The following PRDM6 variants were observed in gnomAD, a reference collection of about 807,000 sequenced individuals.
PRDM6 encodes PR/SET domain 6.
A neutral mutation model predicts 60.8 loss-of-function variants in PRDM6; 25 were observed. The observed-to-expected ratio is 0.41, with a 90% CI of 0.30 to 0.57. The LOEUF (loss-of-function observed/expected upper bound fraction) is 0.57. Ranked by LOEUF, PRDM6 falls within the 20% of genes least tolerant of loss-of-function variation. The pLI is 0.27. For synonymous variants in PRDM6, 407 were observed against 357.4 expected (o/e 1.14, Z -1.57); for missense variants, 839 against 821.3 (o/e 1.02, Z -0.26).
intron 2 of PRDM6, among the ~76,000 whole-genome samples, chr5:123,096,905 C>G (rs1763972381): frequency 6.6e-6 from 1 of 152,076 alleles, no homozygotes; most frequent in African/African-American, 2.4e-5. Flanking sequence ...GAGTTGGTAC[C>G]TATGCTGATG....
At chr5:123,112,857 T>A (rs1395513730) in intron 3 of PRDM6, among the ~76,000 whole-genome samples, 1 of 145,958 alleles carries the variant, frequency 6.9e-6, no homozygotes. Context: ...TTTAAATTTA[T>A]GAAGTCAATC....
intron 3 of PRDM6, among the ~76,000 whole-genome samples, chr5:123,147,326 C>T (rs1352785620): frequency 6.7e-6 from 1 of 148,210 alleles, no homozygotes; most frequent in Non-Finnish European, 1.5e-5. Flanking sequence ...CAAGAAACTG[C>T]TCCATGCAAA....
At chr5:123,145,510 A>G (rs1049329850) in intron 3 of PRDM6, among the ~76,000 whole-genome samples, 1 of 152,140 alleles carries the variant, frequency 6.6e-6, no homozygotes, top group Non-Finnish European at 1.5e-5. Context: ...CATCTCTTGG[A>G]TCTTGATGGG....
At chr5:123,173,427 G>A (rs1765941139) in intron 6 of PRDM6, 1 of 167,042 alleles carries the variant, frequency 6.0e-6, no homozygotes, top group South Asian at 2.1e-4. Flanking sequence ...CATGGACCCT[G>A]ATGGGCTTAT....
intron 3 of PRDM6, among the ~76,000 whole-genome samples, chr5:123,102,330 TA>T (rs1444668576): frequency 6.6e-6 from 1 of 152,182 alleles, no homozygotes; most frequent in Non-Finnish European, 1.5e-5. Flanking sequence ...TTAAAATTTT[TA>T]AGCATTATGA....
At chr5:123,112,334 C>T (rs1764332348) in intron 3 of PRDM6, among the ~76,000 whole-genome samples, 1 of 152,204 alleles carries the variant, frequency 6.6e-6, no homozygotes, top group African/African-American at 2.4e-5. Context: ...CCCTTCAGTG[C>T]AGTCCTATAT....
chr5:123,109,664 C>T (rs1196865068), intron 3 of PRDM6, among the ~76,000 whole-genome samples: 1 of 152,124 alleles, frequency 6.6e-6, no homozygotes. Flanking sequence ...TTGGATGGCT[C>T]TCATTTTTAA....
In PRDM6 at chr5:123,142,917, C is replaced by T. The variant is rs1462749214; in HGVS notation, c.901-12967C>T. 3.8e-5 allele frequency among the ~76,000 whole-genome samples: 3 copies of T among 78,778 alleles called. 1 individual carries two copies. The highest frequency in any genetic ancestry group is 1.4e-4 in the African/African-American group (3 of 21,004). 51.7% of individuals were successfully genotyped at this position (78,778 alleles called of 152,430 possible). A position where few individuals can be genotyped will look rare whatever the true frequency, so the allele number is the denominator to read the frequency against. On this transcript the variant is annotated intron_variant, in intron 3 of 7. Coordinates refer to ENST00000407847, the MANE Select transcript of PRDM6 (RefSeq NM_001136239.4). ...AAAAAAAAAAACAAACAAACCAAAG[C>T]AAAACAAAACAAAAAAAAACTCAGG...
At chr5:123,126,391 T>G (rs1764695800) in intron 3 of PRDM6, among the ~76,000 whole-genome samples, 1 of 141,482 alleles carries the variant, frequency 7.1e-6, no homozygotes, top group Admixed American at 7.0e-5. Flanking sequence ...GCACCAAGTG[T>G]TTTTTTTTTT....
intron 5 of PRDM6, among the ~76,000 whole-genome samples, chr5:123,164,265 G>A (rs1169893701): frequency 6.6e-6 from 1 of 152,194 alleles, no homozygotes; most frequent in Non-Finnish European, 1.5e-5. Flanking sequence ...AAGTCATTCA[G>A]CTGGGAGAAG....
intron 6 of PRDM6, among the ~76,000 whole-genome samples, chr5:123,173,229 T>C (rs1765935245): frequency 6.6e-6 from 1 of 151,980 alleles, no homozygotes; most frequent in Non-Finnish European, 1.5e-5. Flanking sequence ...TTATGATGTC[T>C]GTCCTGTAAA....
At chr5:123,153,021 G>C (rs1408707401) in intron 3 of PRDM6, among the ~76,000 whole-genome samples, 2 of 152,062 alleles carry the variant, frequency 1.3e-5, no homozygotes, top group Admixed American at 1.3e-4. Flanking sequence ...TGATAAAAGA[G>C]AAAGAACAGA....
At chr5:123,133,593 A>G (rs1003812837) in intron 3 of PRDM6, among the ~76,000 whole-genome samples, 8 of 152,106 alleles carry the variant, frequency 5.3e-5, no homozygotes, top group African/African-American at 1.9e-4. Context: ...AAATCTATTA[A>G]AATACAACCA....
chr5:123,158,850 A>G (rs1439186166), intron 4 of PRDM6, among the ~76,000 whole-genome samples: 1 of 151,984 alleles, frequency 6.6e-6, no homozygotes, highest in African/African-American at 2.4e-5. Context: ...TTTTTTTTAC[A>G]GTACCAAAGC....
intron 3 of PRDM6, among the ~76,000 whole-genome samples, chr5:123,112,205 C>T (rs536781950): frequency 6.6e-6 from 1 of 151,888 alleles, no homozygotes; most frequent in Non-Finnish European, 1.5e-5. Flanking sequence ...GTACAAAGGG[C>T]CTGGGTTCTA....
chr5:123,192,423 AAC>A lies in PRDM6; in HGVS notation c.*5226_*5227del, dbSNP rs1243094495. ...GAACAAGAGCTTTTAAAAATTAATA[AAC>A]ACAAGTATAATTTATTTATAAAATG... is the stretch of plus-strand genomic sequence containing the variant. On this transcript the variant is annotated 3_prime_UTR_variant, in exon 8 of 8. Transcript: ENST00000407847. 1.3e-5 allele frequency: 2 copies of A among 152,210 alleles called. No individual in the cohort carries two copies. Among genetic ancestry groups the A allele is most frequent in the East Asian group, 1.9e-4 (1 of 5,202 alleles). The allele number at this position is 152,210 out of a possible 1,614,324, so 9.4% of individuals were successfully genotyped here. A position where few individuals can be genotyped will look rare whatever the true frequency, so the allele number is the denominator to read the frequency against.
chr5:123,121,792 A>G lies in PRDM6; in HGVS notation c.900+21831A>G, dbSNP rs1056446668. Reference sequence around the variant, plus strand: ...ATAACAATAAAAACAAAGTCTTCACATTGTTGAAAAATCTCTTGCATCTCT... The same window carrying G: ...ATAACAATAAAAACAAAGTCTTCACGTTGTTGAAAAATCTCTTGCATCTCT... On this transcript the variant is annotated intron_variant, in intron 3 of 7. Coordinates refer to ENST00000407847, the MANE Select transcript of PRDM6 (RefSeq NM_001136239.4). Among the ~76,000 whole-genome samples the G allele has an allele frequency of 6.6e-5, 10 of 151,490 alleles. 1 individual carries two copies. The South Asian group carries it at 1.9e-3, about 28-fold the overall frequency.
intron 3 of PRDM6, among the ~76,000 whole-genome samples, chr5:123,101,931 G>A (rs1408164134): frequency 1.3e-5 from 2 of 152,282 alleles, no homozygotes; most frequent in East Asian, 3.9e-4. Flanking sequence ...TGATACTTCA[G>A]TAGATATAAA....
At chr5:123,154,548 G>C (rs146817796) in intron 3 of PRDM6, among the ~76,000 whole-genome samples, 2 of 152,184 alleles carry the variant, frequency 1.3e-5, no homozygotes, top group Admixed American at 6.5e-5. Flanking sequence ...AAAAAACTCA[G>C]CTGTTTTTAA....
Sources: allele counts gnomAD v4.1 joint callset (sites outside exome capture counted in the v4.1 genomes callset), GRCh38; gene constraint gnomAD v4.1.1; transcripts MANE v1.5; gene names NCBI Gene and HGNC (gene_info 2026-07-23, HGNC 2026-07-21).